OPHN1: variants seen among roughly 807,000 people sequenced by gnomAD.
OPHN1 encodes oligophrenin-1.
OPHN1 carries 11 observed loss-of-function variants against 60.7 expected under a neutral mutation model. The ratio of observed to expected loss-of-function variants is 0.18; its 90% CI spans 0.11 to 0.30. The LOEUF (loss-of-function observed/expected upper bound fraction) is 0.30, where lower values mean the gene tolerates loss of function less well. OPHN1 is among the 10% of genes least tolerant of loss of function. The pLI, the probability that OPHN1 is intolerant of heterozygous loss-of-function variation, is 1.00. For synonymous variants in OPHN1, 226 were observed against 222.6 expected, an observed-to-expected ratio of 1.02 and a Z score of -0.14; for missense variants, 449 against 611.0, an observed-to-expected ratio of 0.73 and a Z score of 2.80.
intron 20 of OPHN1, among the ~76,000 whole-genome samples, chrX:68,066,079 G>A (rs1319522814): frequency 8.9e-6 from 1 of 112,360 alleles, no homozygotes; most frequent in Non-Finnish European, 1.9e-5. Context: ...GCATGAACAT[G>A]AGCACAAGAG....
chrX:68,070,160 T>C (rs1274562172), intron 20 of OPHN1, among the ~76,000 whole-genome samples: 1 of 111,789 alleles, frequency 8.9e-6, no homozygotes, highest in Admixed American at 9.5e-5. Context: ...TTTCATCTTG[T>C]TTCCACGCTG....
intron 15 of OPHN1, among the ~76,000 whole-genome samples, chrX:68,154,528 A>C (rs2031941469): frequency 8.9e-6 from 1 of 112,434 alleles, no homozygotes; most frequent in Non-Finnish European, 1.9e-5. Context: ...TTTGACACAG[A>C]ATGCAAATAC....
chrX:68,136,758 T>G (rs1386642699), intron 15 of OPHN1, among the ~76,000 whole-genome samples: 1 of 112,290 alleles, frequency 8.9e-6, no homozygotes, highest in East Asian at 2.8e-4. Flanking sequence ...TACAAAGTGC[T>G]TATTATAAAC....
intron 15 of OPHN1, among the ~76,000 whole-genome samples, chrX:68,143,281 G>T (rs890147640): frequency 9.0e-6 from 1 of 111,618 alleles, no homozygotes; most frequent in African/African-American, 3.3e-5. Flanking sequence ...TCCATACAGG[G>T]TTAGGAGGTC....
chrX:68,209,960 A>G, intron 9 of OPHN1, 193 bp downstream of exon 9: 1 of 486,082 alleles, frequency 2.1e-6, no homozygotes, highest in Non-Finnish European at 3.6e-6. Flanking sequence ...CAGCCTTTGT[A>G]AGACAAATCT....
At chrX:68,112,091 A>T (rs112944422) in intron 17 of OPHN1, 132 bp from the exon 18 acceptor site, 1 of 232,135 alleles carries the variant, frequency 4.3e-6, no homozygotes, top group Non-Finnish European at 7.9e-6. Flanking sequence ...ACACACACAG[A>T]GAGAGATTCG....
chrX:68,190,398 C>T (rs1474499747), intron 15 of OPHN1, among the ~76,000 whole-genome samples: 2 of 112,288 alleles, frequency 1.8e-5, no homozygotes, highest in African/African-American at 6.5e-5. Context: ...GAGTTTCATA[C>T]ATTTGGGGCA....
chrX:68,082,398 T>C (rs1039376468), intron 19 of OPHN1, among the ~76,000 whole-genome samples: 8 of 112,481 alleles, frequency 7.1e-5, no homozygotes, highest in African/African-American at 2.6e-4. Flanking sequence ...TAAATCCTGA[T>C]GAAATCTACT....
At chrX:68,260,389 A>T (rs2077887315) in intron 5 of OPHN1, among the ~76,000 whole-genome samples, 1 of 110,820 alleles carries the variant, frequency 9.0e-6, no homozygotes, top group South Asian at 3.9e-4. Flanking sequence ...GCCACAATGT[A>T]TATATCCATT....
At chrX:68,088,580 G>A (rs962315670) in intron 19 of OPHN1, among the ~76,000 whole-genome samples, 12 of 111,357 alleles carry the variant, frequency 1.1e-4, no homozygotes, top group African/African-American at 3.6e-4. Context: ...TAGATACCAA[G>A]GTATTAATAA....
chrX:68,273,596 G>A (rs2077979344), intron 5 of OPHN1, among the ~76,000 whole-genome samples: 1 of 112,077 alleles, frequency 8.9e-6, no homozygotes, highest in Non-Finnish European at 1.9e-5. Context: ...AGACACAAGT[G>A]ACTGCTGAGC....
At chrX:68,113,261 A>C in intron 16 of OPHN1, 22 bp from the exon 17 acceptor site, 1 of 1,185,093 alleles carries the variant, frequency 8.4e-7, no homozygotes, top group South Asian at 1.8e-5. Context: ...GAAAATTGTC[A>C]GTTGCTTTGG....
chrX:68,274,636 C>A, intron 5 of OPHN1, 102 bp downstream of exon 5: 1 of 571,431 alleles, frequency 1.7e-6, no homozygotes, highest in Non-Finnish European at 3.0e-6. Context: ...AAGAGCAAAG[C>A]ACCAGCAGAT....
intron 18 of OPHN1, among the ~76,000 whole-genome samples, chrX:68,103,385 A>G (rs1341931782): frequency 8.9e-6 from 1 of 112,262 alleles, no homozygotes; most frequent in Non-Finnish European, 1.9e-5. Context: ...TCTCAAAATA[A>G]TAAGAGATAT....
chrX:68,343,468 A>T, intron 2 of OPHN1, among the ~76,000 whole-genome samples: 1 of 110,374 alleles, frequency 9.1e-6, no homozygotes. Flanking sequence ...AGGTGACAAA[A>T]GCAAAACTCT....
intron 19 of OPHN1, among the ~76,000 whole-genome samples, chrX:68,085,045 T>C (rs2076990156): frequency 8.9e-6 from 1 of 112,491 alleles, no homozygotes; most frequent in African/African-American, 3.2e-5. Context: ...TGGCAATTGC[T>C]GTAGTAAGAA....
intron 2 of OPHN1, among the ~76,000 whole-genome samples, chrX:68,367,044 G>T (rs1041900889): frequency 5.4e-5 from 6 of 110,789 alleles, no homozygotes; most frequent in Non-Finnish European, 9.4e-5. Context: ...CCAAGCTCTT[G>T]TTCTCCCACA....
chrX:68,374,723 T>G (rs1384436344), intron 2 of OPHN1, among the ~76,000 whole-genome samples: 1 of 111,909 alleles, frequency 8.9e-6, no homozygotes, highest in African/African-American at 3.2e-5. Flanking sequence ...ACATAAAAGA[T>G]TCACTAAACT....
chrX:68,383,136 AC>A (rs959054731), intron 2 of OPHN1, among the ~76,000 whole-genome samples: 1 of 110,977 alleles, frequency 9.0e-6, no homozygotes, highest in African/African-American at 3.3e-5. Flanking sequence ...AGCCTGGACA[AC>A]ATAGACAGAC....
Sources: gnomAD v4.1 joint callset for allele counts (sites outside exome capture counted in the v4.1 genomes callset) on GRCh38, gnomAD v4.1.1 for gene constraint, MANE v1.5 for transcripts, NCBI Gene and HGNC (gene_info 2026-07-23, HGNC 2026-07-21) for gene names.